Variants in OR10G8 observed in about 807,000 individuals in gnomAD.
OR10G8 encodes the protein olfactory receptor family 10 subfamily G member 8, also known as olfactory receptor 10G8.
For missense variants in OR10G8, 386 were observed against 384.9 expected, an observed-to-expected ratio of 1.00 and a Z score of -0.02; for synonymous variants, 173 against 163.2, an observed-to-expected ratio of 1.06 and a Z score of -0.46.
At chr11:124,029,089 G>A (rs1449273960) in intron 1 of OR10G8, among the ~76,000 whole-genome samples, 2 of 152,126 alleles carry the variant, frequency 1.3e-5, no homozygotes, top group East Asian at 3.9e-4. Context: ...GGTGACCTCA[G>A]TAAGTTGAGA....
intron 1 of OR10G8, among the ~76,000 whole-genome samples, chr11:124,028,104 G>A (rs1356015983): frequency 3.3e-5 from 5 of 152,114 alleles, no homozygotes; most frequent in Non-Finnish European, 7.3e-5. Flanking sequence ...AAAGGAAGAT[G>A]GTGGAGGCAA....
chr11:124,029,865 G>C lies in OR10G8; in HGVS notation c.243G>C (p.Met81Ile), dbSNP rs750866346. The C allele has an allele frequency of 1.9e-6, 3 of 1,614,146 alleles. No homozygotes were observed. The African/African-American group carries it at 4.0e-5, about 22-fold the overall frequency. The change falls in exon 2 of 2, where the codon ATG (methionine) becomes ATC (isoleucine). Residue 81 changes from methionine (M) to isoleucine (I), a missense_variant. By Grantham distance (10) the Met-to-Ile change is conservative (BLOSUM62 1). Transcript: ENST00000641224. ...CTGTCACGGTGCCCAAATTGCTGAT[G>C]ACTTTGGTGTTCCCAAGTGGCAGGG... is the stretch of plus-strand genomic sequence containing the variant. The part of the protein sequence containing the change: ...FSTVTVPKLL[M>I]TLVFPSGRAI...
chr11:124,029,996 T>C lies in OR10G8; in HGVS notation c.374T>C (p.Ile125Thr). 1 of 1,614,100 alleles carries C rather than the reference T, an allele frequency of 6.2e-7. No individual in the cohort carries two copies. The highest frequency in any genetic ancestry group is 8.5e-7 in the Non-Finnish European group (1 of 1,180,010). Reference sequence around the variant, plus strand: ...ATGTCCTGTGATCGCTACCTGGCCATCAGTTACCCGCTCAGGTACACCAGC... The same window carrying C: ...ATGTCCTGTGATCGCTACCTGGCCACCAGTTACCCGCTCAGGTACACCAGC... ...RVMSCDRYLA[I>T]SYPLRYTSMM... The change falls in exon 2 of 2, where the codon ATC (isoleucine) becomes ACC (threonine). Residue 125 changes from isoleucine (I) to threonine (T), a missense_variant. By Grantham distance (89) the Ile-to-Thr change is moderately conservative. Coordinates refer to ENST00000641224, the MANE Select transcript of OR10G8 (RefSeq NM_001004464.2).
Position 124,030,258 on chromosome 11 carries a change from G to C in OR10G8, c.636G>C (p.Leu212=), listed in dbSNP as rs760104685. The change falls in exon 2 of 2, where the codon CTG becomes CTC. Residue 212 remains leucine (L), a synonymous_variant. Transcript: ENST00000641224. ...TAGTGGCCTCGGGCTGCTTTGTCCT[G>C]ATAGTGCTGTCCTATGTGTCCATCG... The part of the protein sequence containing the change: ...VGIVASGCFV[L]IVLSYVSIVC... The C allele has an allele frequency of 2.0e-5, 32 of 1,614,088 alleles. No individual in the cohort carries two copies. The highest frequency in any genetic ancestry group is 6.7e-5 in the Admixed American group (4 of 60,006).
At chr11:124,028,175 ATG>A (rs1263135989) in intron 1 of OR10G8, among the ~76,000 whole-genome samples, 2 of 152,226 alleles carry the variant, frequency 1.3e-5, no homozygotes, top group Non-Finnish European at 2.9e-5. Context: ...TAGAAGGAGT[ATG>A]AAAGACAGCT....
chr11:124,030,570 G>A lies in OR10G8; in HGVS notation c.*12G>A, dbSNP rs548051489. 1 of 1,552,066 alleles carries A rather than the reference G, an allele frequency of 6.4e-7. No homozygotes were observed. The highest frequency in any genetic ancestry group is 1.4e-5 in the African/African-American group (1 of 72,700). The stretch of plus-strand genomic sequence containing the variant: ...CTCAGAGCAAATAGACACTAGGGAA[G>A]ATTACATATCTTAGCTCTTGTGAAT... On this transcript the variant is annotated 3_prime_UTR_variant, in exon 2 of 2. Coordinates refer to ENST00000641224, the MANE Select transcript of OR10G8 (RefSeq NM_001004464.2).
chr11:124,030,448 A>C lies in OR10G8; in HGVS notation c.826A>C (p.Thr276Pro). The change falls in exon 2 of 2, where the codon ACT becomes CCT. Residue 276 changes from threonine (T) to proline (P), a missense_variant. Thr to Pro is a conservative substitution (Grantham distance 38, BLOSUM62 -1). Transcript: ENST00000641224. ...GGATGGAGTTGTGGCCGTTTTCTAC[A>C]CTGTGCTGACGCCCCTTCTCAACCC... ...AVDGVVAVFY[T>P]VLTPLLNPVV... The C allele has an allele frequency of 6.2e-7, 1 of 1,614,228 alleles. No individual in the cohort carries two copies. Among genetic ancestry groups the C allele is most frequent in the Non-Finnish European group, 8.5e-7 (1 of 1,180,032 alleles).
chr11:124,026,983 C>T (rs1310516812), intron 1 of OR10G8, 116 bp downstream of exon 1: 1 of 152,164 alleles, frequency 6.6e-6, no homozygotes, highest in African/African-American at 2.4e-5. Context: ...TATGAAGATC[C>T]TTTCATTGGT....
In OR10G8 at chr11:124,030,210, T is replaced by G. The variant is rs779044910; in HGVS notation, c.588T>G (p.Thr196=). ...LACADTSAIE[T]VIFVTVGIVA... ...GTGCAGACACCTCAGCCATAGAGACTGTCATTTTTGTGACTGTTGGAATAG... is the reference window on the plus strand; with the variant it reads ...GTGCAGACACCTCAGCCATAGAGACGGTCATTTTTGTGACTGTTGGAATAG... Residue 196 remains threonine (T), a synonymous_variant, in exon 2 of 2, where the codon ACT becomes ACG. Transcript: ENST00000641224. The G allele has an allele frequency of 2.5e-6, 4 of 1,614,122 alleles. No individual in the cohort carries two copies. The East Asian group carries it at 8.9e-5, about 36-fold the overall frequency.
intron 1 of OR10G8, among the ~76,000 whole-genome samples, chr11:124,028,436 TATC>T (rs1393233832): frequency 1.3e-5 from 2 of 152,170 alleles, no homozygotes; most frequent in Non-Finnish European, 2.9e-5. Flanking sequence ...TCAGTAACAG[TATC>T]AGGCACAAAA....
Position 124,030,287 on chromosome 11 carries a change from G to A in OR10G8, c.665G>A (p.Cys222Tyr), listed in dbSNP as rs780190575. The A allele has an allele frequency of 1.2e-5, 20 of 1,614,216 alleles. No homozygotes were observed. Among genetic ancestry groups the A allele is most frequent in the Non-Finnish European group, 1.6e-5 (19 of 1,180,050 alleles). The part of the protein sequence containing the change: ...LIVLSYVSIV[C>Y]SILRIRTSEG... ...GTGCTGTCCTATGTGTCCATCGTCTGTTCCATCCTGCGGATCCGCACCTCA... is the reference window on the plus strand; with the variant it reads ...GTGCTGTCCTATGTGTCCATCGTCTATTCCATCCTGCGGATCCGCACCTCA... The change falls in exon 2 of 2, where the codon TGT (cysteine) becomes TAT (tyrosine). Residue 222 changes from cysteine (C) to tyrosine (Y), a missense_variant. By Grantham distance (194) the Cys-to-Tyr change is radical (BLOSUM62 -2). Transcript: ENST00000641224.
intron 1 of OR10G8, among the ~76,000 whole-genome samples, chr11:124,028,787 G>GTT (rs140020370): frequency 0.042 from 6,330 of 151,230 alleles, 310 homozygotes; most frequent in East Asian, 0.14. Context: ...AATTCTTGGT[G>GTT]TTTTTTTTTA....
At position 124,030,368 on chromosome 11, in the gene OR10G8, G is replaced by C. The variant is rs774001236; in HGVS notation, c.746G>C (p.Cys249Ser). 1 of 1,614,168 alleles carries C rather than the reference G, an allele frequency of 6.2e-7. No homozygotes were observed. Among genetic ancestry groups the C allele is most frequent in the South Asian group, 1.1e-5 (1 of 91,078 alleles). Residue 249 changes from cysteine to serine, a missense_variant, in exon 2 of 2, where the codon TGC becomes TCC. By Grantham distance (112) the Cys-to-Ser change is moderately radical. Transcript: ENST00000641224. ...GCCTCCCACTGTATCGTGGTCCTTT[G>C]CTTCTTTGGCCCTGGTCTTTTCATT... ...TCASHCIVVL[C>S]FFGPGLFIYL...
Position 124,030,409 on chromosome 11 carries a change from T to C in OR10G8, c.787T>C (p.Ser263Pro). 6.2e-7 allele frequency: 1 copy of C among 1,614,198 alleles called. No individual in the cohort carries two copies. The highest frequency in any genetic ancestry group is 8.5e-7 in the Non-Finnish European group (1 of 1,180,038). The change falls in exon 2 of 2, where the codon TCC (serine) becomes CCC (proline). Residue 263 changes from serine (S) to proline (P), a missense_variant. Physicochemically the swap from Ser to Pro is moderately conservative, Grantham distance 74. Transcript: ENST00000641224. ...TCTTTTCATTTACCTGAGGCCAGGC[T>C]CCAGGAAAGCTGTGGATGGAGTTGT... ...PGLFIYLRPG[S>P]RKAVDGVVAV...
Position 124,029,640 on chromosome 11 carries a change from A to C in OR10G8, c.18A>C (p.Leu6=), listed in dbSNP as rs748515481. Reference sequence around the variant, plus strand: ...GAGAAGAAATGTCCAACGCCAGCCTACTGACAGCGTTCATCCTCATGGGCC... The same window carrying C: ...GAGAAGAAATGTCCAACGCCAGCCTCCTGACAGCGTTCATCCTCATGGGCC... MSNAS[L]LTAFILMGLP... is the part of the protein sequence containing the mutation. The change falls in exon 2 of 2, where the codon CTA becomes CTC. Residue 6 remains leucine, a synonymous_variant. Transcript: ENST00000641224. The C allele has an allele frequency of 3.0e-5, 49 of 1,613,600 alleles. No individual in the cohort carries two copies. Among genetic ancestry groups the C allele is most frequent in the East Asian group, 1.6e-4 (7 of 44,874 alleles).
rs751705300 is a variant in OR10G8 at position 124,029,627 on chromosome 11, C to G, written c.5C>G (p.Ser2Cys). M[S>C]NASLLTAFIL... ...AGAGACCAAGGGTGAGAAGAAATGT[C>G]CAACGCCAGCCTACTGACAGCGTTC... The change falls in exon 2 of 2, where the codon TCC becomes TGC. Residue 2 changes from serine (S) to cysteine (C), a missense_variant. Physicochemically the swap from Ser to Cys is moderately radical, Grantham distance 112. Transcript: ENST00000641224. 1 of 1,613,116 alleles carries G rather than the reference C, an allele frequency of 6.2e-7. No individual in the cohort carries two copies. The highest frequency in any genetic ancestry group is 1.1e-5 in the South Asian group (1 of 91,020).
At position 124,029,940 on chromosome 11, in the gene OR10G8, A is replaced by G. The variant is rs763659149; in HGVS notation, c.318A>G (p.Leu106=). 5.0e-6 allele frequency: 8 copies of G among 1,613,738 alleles called. No individual in the cohort carries two copies. Among genetic ancestry groups the G allele is most frequent in the Non-Finnish European group, 6.8e-6 (8 of 1,179,866 alleles). The change falls in exon 2 of 2, where the codon CTA becomes CTG. Residue 106 remains leucine, a synonymous_variant. Coordinates refer to ENST00000641224, the MANE Select transcript of OR10G8 (RefSeq NM_001004464.2). ...CMAQLYFFHF[L]GGTECFLYRV... is the part of the protein sequence containing the mutation. ...CTCAGCTCTATTTCTTTCACTTCCT[A>G]GGGGGCACCGAGTGTTTCCTCTACA... is the stretch of plus-strand genomic sequence containing the variant.
Position 124,030,334 on chromosome 11 carries a change from C to T in OR10G8, c.712C>T (p.Gln238Ter). ...CTCAGAGGGGAAGCACAGAGCCTTT[C>T]AGACCTGTGCCTCCCACTGTATCGT... Reference protein sequence around the residue: ...RTSEGKHRAFQTCASHCIVVL... With the variant: ...RTSEGKHRAF The change falls in exon 2 of 2, where the codon CAG (glutamine) becomes TAG (stop). Residue 238 changes from glutamine (Q) to a stop codon, truncating the protein, a stop_gained. Transcript: ENST00000641224. LOFTEE classifies it low-confidence loss of function (END_TRUNC). 1 of 1,614,204 alleles carries T rather than the reference C, an allele frequency of 6.2e-7. No individual in the cohort carries two copies. The highest frequency in any genetic ancestry group is 8.5e-7 in the Non-Finnish European group (1 of 1,180,016).
At position 124,030,035 on chromosome 11, in the gene OR10G8, G is replaced by T. The variant is rs372745744; in HGVS notation, c.413G>T (p.Arg138Leu). The T allele has an allele frequency of 6.2e-7, 1 of 1,614,070 alleles. No homozygotes were observed. Among genetic ancestry groups the T allele is most frequent in the South Asian group, 1.1e-5 (1 of 91,076 alleles). ...AGGTACACCAGCATGATGACTGGGC[G>T]CTCGTGTACTCTTCTGGCCACCAGC... is the stretch of plus-strand genomic sequence containing the variant. ...PLRYTSMMTG[R>L]SCTLLATSTW... The change falls in exon 2 of 2, where the codon CGC (arginine) becomes CTC (leucine). Residue 138 changes from arginine (R) to leucine (L), a missense_variant. Transcript: ENST00000641224.
Sources: gnomAD v4.1 joint callset for allele counts (sites outside exome capture counted in the v4.1 genomes callset) on GRCh38, gnomAD v4.1.1 for gene constraint, MANE v1.5 for transcripts, NCBI Gene and HGNC (gene_info 2026-07-23, HGNC 2026-07-21) for gene names.